SYNE1: variants seen among roughly 807,000 people sequenced by gnomAD.
SYNE1 encodes the protein nesprin-1.
SYNE1 carries 616 observed loss-of-function variants against 1,111.0 expected under a neutral mutation model. That is an observed-to-expected ratio of 0.55 (90% confidence interval 0.52 to 0.59). SYNE1 has a LOEUF of 0.59. Among genes scored for constraint, SYNE1 ranks in the 20% least tolerant of loss-of-function variants. The pLI is 0.00. For missense variants in SYNE1, 10,006 were observed against 10,417.0 expected (o/e 0.96, Z 1.72); for synonymous variants, 3,855 against 3,825.8 (o/e 1.01, Z -0.28).
chr6:152,512,598 G>T (rs574363222), intron 6 of SYNE1, among the ~76,000 whole-genome samples: 125 of 152,192 alleles, frequency 8.2e-4, no homozygotes, highest in Admixed American at 2.0e-3. Flanking sequence ...AAGTGCTATT[G>T]AATATAATTT....
chr6:152,373,124 C>T lies in SYNE1; in HGVS notation c.9420G>A (p.Ala3140=), dbSNP rs188913729. ...CTGTAACTTTGGCCTGGATCCCTTT[C>T]GCTTTCTCTTTGGTCAGCAGGGTAC... ...LLSTLLTKEK[A]KGIQAKVTAA... is the part of the protein sequence containing the mutation. The change falls in exon 59 of 146, where the codon GCG becomes GCA. Residue 3140 remains alanine, a synonymous_variant. Coordinates refer to ENST00000367255, the MANE Select transcript of SYNE1 (RefSeq NM_182961.4). 325 of 1,614,106 alleles carry T rather than the reference C, an allele frequency of 2.0e-4. No homozygotes were observed. In the East Asian group the frequency reaches 4.7e-3, roughly 23 times the overall value.
chr6:152,321,381 T>C lies in SYNE1; in HGVS notation c.16093A>G (p.Thr5365Ala), dbSNP rs2095866059. Residue 5365 changes from threonine (T) to alanine (A), a missense_variant, in exon 84 of 146, where the codon ACA (threonine) becomes GCA (alanine). Around this residue, in one of 7 missense-constraint regions of SYNE1, gnomAD observed 4,955 missense variants for 5,017.2 expected, o/e 0.99. Coordinates refer to ENST00000367255, the MANE Select transcript of SYNE1 (RefSeq NM_182961.4). The part of the protein sequence containing the change: ...AQLEELQILL[T>A]EATNHRQNIE... ...TTCTGTCGGTGATTTGTGGCTTCTGTTAGGAGAATCTGAAGAAAAGATCAA... is the reference window on the plus strand; with the variant it reads ...TTCTGTCGGTGATTTGTGGCTTCTGCTAGGAGAATCTGAAGAAAAGATCAA... The C allele has an allele frequency of 1.9e-6, 3 of 1,613,768 alleles. No individual in the cohort carries two copies. In the East Asian group the frequency reaches 6.7e-5, roughly 36 times the overall value.
At chr6:152,605,041 G>A (rs866271966) in intron 3 of SYNE1, among the ~76,000 whole-genome samples, 76 of 40,344 alleles carry the variant, frequency 1.9e-3, no homozygotes, top group South Asian at 2.5e-3. Context: ...AGAGAGGGAG[G>A]GAGGGAGGGA....
At chr6:152,314,671 T>C (rs9371583) in intron 87 of SYNE1, among the ~76,000 whole-genome samples, 25,373 of 151,966 alleles carry the variant, frequency 0.17, 2,814 homozygotes, top group East Asian at 0.64. Flanking sequence ...TGTATGTTTG[T>C]TGAATAAATA....
Position 152,465,405 on chromosome 6 carries a change from C to T in SYNE1, c.1785G>A (p.Arg595=). Residue 595 remains arginine, a synonymous_variant, in exon 18 of 146, where the codon AGG becomes AGA. Transcript: ENST00000367255. ...KFMNETTAQW[R]NLSVEVRSVR... ...CACTCCTCACTTCTACTGAGAGATT[C>T]CTCCACTGAGCGGTGGTTTCATTCA... is the stretch of plus-strand genomic sequence containing the variant. The T allele has an allele frequency of 6.2e-7, 1 of 1,613,760 alleles. No individual in the cohort carries two copies. Among genetic ancestry groups the T allele is most frequent in the Non-Finnish European group, 8.5e-7 (1 of 1,179,836 alleles).
intron 21 of SYNE1, 81 bp from the exon 22 acceptor site, chr6:152,459,011 C>A: frequency 1.6e-6 from 2 of 1,230,802 alleles, no homozygotes; most frequent in African/African-American, 1.5e-5. Context: ...CTCTGAGGAA[C>A]ATTTTCTTTA....
chr6:152,433,849 G>A lies in SYNE1; in HGVS notation c.4407C>T (p.Leu1469=). The change falls in exon 34 of 146, where the codon CTC becomes CTT. Residue 1469 remains leucine (L), a synonymous_variant. Coordinates refer to ENST00000367255, the MANE Select transcript of SYNE1 (RefSeq NM_182961.4). ...SVWITEKEKE[L]NALETSSSAM... is the part of the protein sequence containing the mutation. ...CAGATGACGAAGTTTCCAAGGCATT[G>A]AGTTCTTTTTCTTTCTCAGTTATCC... is the stretch of plus-strand genomic sequence containing the variant. 2 of 1,613,872 alleles carry A rather than the reference G, an allele frequency of 1.2e-6. No homozygotes were observed. Among genetic ancestry groups the A allele is most frequent in the South Asian group, 1.1e-5 (1 of 91,070 alleles).
intron 126 of SYNE1, among the ~76,000 whole-genome samples, chr6:152,202,643 A>G (rs2075750816): frequency 6.6e-6 from 1 of 152,212 alleles, no homozygotes; most frequent in Non-Finnish European, 1.5e-5. Flanking sequence ...TATTATGGGT[A>G]TCCAAGAATG....
At chr6:152,216,704 T>C (rs1278355231) in intron 121 of SYNE1, among the ~76,000 whole-genome samples, 2 of 152,148 alleles carry the variant, frequency 1.3e-5, no homozygotes, top group Non-Finnish European at 2.9e-5. Flanking sequence ...AAGGGAATAA[T>C]ACAATAAAAT....
chr6:152,476,576 T>C (rs545817614), intron 14 of SYNE1, among the ~76,000 whole-genome samples: 70 of 151,780 alleles, frequency 4.6e-4, no homozygotes, highest in African/African-American at 1.6e-3. Context: ...GTCATTCCTT[T>C]GGGAAAAAAA....
In SYNE1 at chr6:152,628,557, G is replaced by C; in HGVS notation, c.-223-3C>G. 1.9e-6 allele frequency: 1 copy of C among 516,318 alleles called. No individual in the cohort carries two copies. 32.0% of individuals were successfully genotyped at this position (516,318 alleles called of 1,614,324 possible). On this transcript the variant is annotated splice_region_variant and splice_polypyrimidine_tract_variant and intron_variant, in intron 2 of 145. Coordinates refer to ENST00000367255, the MANE Select transcript of SYNE1 (RefSeq NM_182961.4). ...TCCTCTTACATGAACTCAAGAACCT[G>C]AAAAACAAAAAAGAAAAGGTACAAC...
At chr6:152,311,938 C>A (rs2095563997) in intron 87 of SYNE1, among the ~76,000 whole-genome samples, 1 of 151,610 alleles carries the variant, frequency 6.6e-6, no homozygotes, top group Non-Finnish European at 1.5e-5. Context: ...TGCCCGCCAC[C>A]ACGCCTGGCT....
intron 98 of SYNE1, among the ~76,000 whole-genome samples, chr6:152,277,249 C>T (rs2093693041): frequency 6.9e-6 from 1 of 145,666 alleles, no homozygotes; most frequent in Non-Finnish European, 1.5e-5. Context: ...TGCAATCACA[C>T]TCCTTTTTCT....
At chr6:152,279,142 CTTTTCTT>C (rs1453670649) in intron 97 of SYNE1, among the ~76,000 whole-genome samples, 7 of 105,476 alleles carry the variant, frequency 6.6e-5, no homozygotes, top group African/African-American at 3.6e-5. Flanking sequence ...TTTTTCTTTT[CTTTTCTT>C]TTTTTTTTTT....
intron 3 of SYNE1, among the ~76,000 whole-genome samples, chr6:152,564,770 T>TCTCAACAGA (rs1359082855): frequency 6.6e-6 from 1 of 152,056 alleles, no homozygotes; most frequent in Non-Finnish European, 1.5e-5. Flanking sequence ...GACTTTGGGG[T>TCTCAACAGA]CTAGGAGTGC....
chr6:152,232,930 T>C (rs1056384165), intron 112 of SYNE1, among the ~76,000 whole-genome samples: 1 of 152,218 alleles, frequency 6.6e-6, no homozygotes, highest in African/African-American at 2.4e-5. Context: ...TCCTGCCCTC[T>C]GGGGGCGCAC....
At chr6:152,627,809 T>TA (rs1242006168) in intron 3 of SYNE1, among the ~76,000 whole-genome samples, 4 of 152,234 alleles carry the variant, frequency 2.6e-5, no homozygotes, top group African/African-American at 9.6e-5. Flanking sequence ...TCATTTTTCT[T>TA]AAAAAAATTC....
intron 106 of SYNE1, among the ~76,000 whole-genome samples, chr6:152,243,171 A>G (rs892882050): frequency 1.3e-5 from 2 of 152,222 alleles, no homozygotes; most frequent in Admixed American, 1.3e-4. Context: ...GCTGAGGGAC[A>G]TGTCATAGAA....
intron 18 of SYNE1, 128 bp downstream of exon 18, chr6:152,465,130 T>A: frequency 9.3e-7 from 1 of 1,074,354 alleles, no homozygotes; most frequent in Non-Finnish European, 1.4e-6. Context: ...AGTGCAACTT[T>A]TCAGGCAAAG....
Sources: allele counts gnomAD v4.1 joint callset (sites outside exome capture counted in the v4.1 genomes callset), GRCh38; gene constraint gnomAD v4.1.1; regional missense constraint gnomAD v4.1.1; transcripts MANE v1.5; gene names NCBI Gene and HGNC (gene_info 2026-07-23, HGNC 2026-07-21).